The following MEIS1 variants were observed in gnomAD, a reference collection of about 807,000 sequenced individuals.
MEIS1 encodes the protein Meis homeobox 1.
MEIS1 carries 5 observed loss-of-function variants against 50.8 expected under a neutral mutation model. The observed-to-expected ratio is 0.10, with a 90% confidence interval of 0.05 to 0.21. The LOEUF is 0.21. Ranked by LOEUF, MEIS1 falls within the 10% of genes least tolerant of loss-of-function variation. The pLI is 1.00. For synonymous variants in MEIS1, 176 were observed against 179.3 expected, an observed-to-expected ratio of 0.98 and a Z score of 0.15; for missense variants, 318 against 517.3, an observed-to-expected ratio of 0.61 and a Z score of 3.74.
chr2:66,512,522 A>G (rs1377546413), intron 8 of MEIS1, among the ~76,000 whole-genome samples: 1 of 152,200 alleles, frequency 6.6e-6, no homozygotes, highest in Non-Finnish European at 1.5e-5. Context: ...CATAAGTTAA[A>G]AGATTTAGGT....
chr2:66,444,896 C>T (rs1441016825), intron 6 of MEIS1, among the ~76,000 whole-genome samples: 2 of 152,138 alleles, frequency 1.3e-5, no homozygotes, highest in African/African-American at 4.8e-5. Context: ...CTTTAATTGC[C>T]TCCAAAATGA....
chr2:66,504,145 A>G (rs564327310), intron 7 of MEIS1, among the ~76,000 whole-genome samples: 7 of 152,164 alleles, frequency 4.6e-5, no homozygotes, highest in African/African-American at 1.7e-4. Flanking sequence ...CTGACTCTCC[A>G]TGTCTTCCTT....
intron 6 of MEIS1, among the ~76,000 whole-genome samples, chr2:66,444,351 G>A (rs1672076222): frequency 6.6e-6 from 1 of 152,180 alleles, no homozygotes; most frequent in African/African-American, 2.4e-5. Context: ...CTTGTCGAGC[G>A]CCTGACGCCT....
At chr2:66,484,559 A>T (rs761140621) in intron 7 of MEIS1, among the ~76,000 whole-genome samples, 1 of 150,828 alleles carries the variant, frequency 6.6e-6, no homozygotes, top group African/African-American at 2.4e-5. Flanking sequence ...TCTTTCTTTT[A>T]TTTATTTATT....
Position 66,435,805 on chromosome 2 carries a change from C to T in MEIS1, c.-52C>T. ...GAATATTTGTTTCTTTTCACACTGG[C>T]CTTAAAGAGGATATATTAGAAGTTG... On this transcript the variant is annotated 5_prime_UTR_variant, in exon 1 of 13. Coordinates refer to ENST00000272369, the MANE Select transcript of MEIS1 (RefSeq NM_002398.3). The T allele has an allele frequency of 1.5e-6, 2 of 1,334,520 alleles. No homozygotes were observed. The highest frequency in any genetic ancestry group is 1.4e-5 in the South Asian group (1 of 73,674). 82.7% of individuals were successfully genotyped at this position (1,334,520 alleles called of 1,614,324 possible).
intron 8 of MEIS1, among the ~76,000 whole-genome samples, chr2:66,531,398 T>C (rs552252640): frequency 6.6e-6 from 1 of 152,340 alleles, no homozygotes; most frequent in African/African-American, 2.4e-5. Context: ...TAGGAAGGAC[T>C]ACTGACAAGC....
intron 8 of MEIS1, among the ~76,000 whole-genome samples, chr2:66,531,825 C>T (rs1204096155): frequency 6.6e-6 from 1 of 152,116 alleles, no homozygotes; most frequent in African/African-American, 2.4e-5. Context: ...TAATCATGAG[C>T]TGCCATCTTG....
At chr2:66,476,786 C>T (rs1434338391) in intron 7 of MEIS1, among the ~76,000 whole-genome samples, 1 of 152,178 alleles carries the variant, frequency 6.6e-6, no homozygotes, top group Non-Finnish European at 1.5e-5. Context: ...TACCTCGTCC[C>T]CCGGAGTTAG....
intron 9 of MEIS1, among the ~76,000 whole-genome samples, chr2:66,559,123 CAGAGAGAGAGAGAGAGAG>C (rs58790798): frequency 2.7e-5 from 4 of 147,968 alleles, no homozygotes; most frequent in African/African-American, 1.0e-4. Flanking sequence ...GCCTGGGTGA[CAGAGAGAGAGAGAGAGAG>C]AGAGAGAGAG....
chr2:66,497,666 A>C (rs375722183), intron 7 of MEIS1, among the ~76,000 whole-genome samples: 35 of 152,298 alleles, frequency 2.3e-4, no homozygotes, highest in African/African-American at 8.2e-4. Context: ...AGGCTGAGAC[A>C]GGAGATTTGC....
intron 7 of MEIS1, among the ~76,000 whole-genome samples, chr2:66,495,713 AAC>A (rs1200621521): frequency 1.3e-5 from 2 of 152,210 alleles, no homozygotes; most frequent in African/African-American, 4.8e-5. Context: ...GAACCTCAGC[AAC>A]ACAGAGCCAC....
intron 9 of MEIS1, among the ~76,000 whole-genome samples, chr2:66,550,645 T>C (rs1470344308): frequency 1.3e-5 from 2 of 151,968 alleles, no homozygotes; most frequent in Non-Finnish European, 2.9e-5. Context: ...TACAGGCATA[T>C]GCCACCATGC....
intron 2 of MEIS1, 185 bp from the exon 3 acceptor site, chr2:66,439,658 A>T (rs1290630599): frequency 6.5e-7 from 1 of 1,538,666 alleles, no homozygotes; most frequent in Non-Finnish European, 8.7e-7. Context: ...TCAGGGCTCC[A>T]GGAGGAAGGG....
intron 8 of MEIS1, among the ~76,000 whole-genome samples, chr2:66,532,792 G>A (rs1674426651): frequency 6.6e-6 from 1 of 152,168 alleles, no homozygotes. Flanking sequence ...GGTTTGATGT[G>A]AGCTACAGAA....
At position 66,535,709 on chromosome 2, in the gene MEIS1, T is replaced by G. The variant is rs529199127; in HGVS notation, c.889-12234T>G. On this transcript the variant is annotated intron_variant, in intron 8 of 12. Transcript: ENST00000272369. ...TCACATCAATAAATGCTTTCGGGAG[T>G]TGGAAAGGGTTTGCTTAAGAAGGTT... 3.3e-5 allele frequency among the ~76,000 whole-genome samples: 5 copies of G among 152,258 alleles called. No individual in the cohort carries two copies. The South Asian group carries it at 1.0e-3, about 32-fold the overall frequency.
chr2:66,542,894 G>T (rs1323713934), intron 8 of MEIS1, among the ~76,000 whole-genome samples: 1 of 152,182 alleles, frequency 6.6e-6, no homozygotes, highest in African/African-American at 2.4e-5. Context: ...TTTGGTCAAA[G>T]ATATTAAGGT....
intron 7 of MEIS1, among the ~76,000 whole-genome samples, chr2:66,504,135 C>G (rs1191475645): frequency 1.3e-5 from 2 of 152,116 alleles, no homozygotes; most frequent in Non-Finnish European, 2.9e-5. Flanking sequence ...TCTCCAGGCT[C>G]TGACTCTCCA....
At chr2:66,533,523 C>CT (rs1332506570) in intron 8 of MEIS1, among the ~76,000 whole-genome samples, 16 of 152,014 alleles carry the variant, frequency 1.1e-4, no homozygotes, top group South Asian at 2.1e-4. Flanking sequence ...TTTATAGTGT[C>CT]TTTTTTTAAC....
At chr2:66,501,221 T>C (rs1673546680) in intron 7 of MEIS1, among the ~76,000 whole-genome samples, 1 of 152,152 alleles carries the variant, frequency 6.6e-6, no homozygotes, top group South Asian at 2.1e-4. Flanking sequence ...AAAATAAAAG[T>C]TTATGACTTT....
Sources: gnomAD v4.1 joint callset for allele counts (sites outside exome capture counted in the v4.1 genomes callset) on GRCh38, gnomAD v4.1.1 for gene constraint, MANE v1.5 for transcripts, NCBI Gene and HGNC (gene_info 2026-07-23, HGNC 2026-07-21) for gene names.